The following WWOX variants were observed in gnomAD, a reference collection of about 807,000 sequenced individuals.
The protein encoded by WWOX is WW domain containing oxidoreductase.
WWOX carries 69 observed loss-of-function variants against 46.2 expected under a neutral mutation model. The observed-to-expected ratio is 1.49, with a 90% confidence interval of 1.23 to 1.82. The LOEUF is 1.82. Ranked by LOEUF, WWOX falls within the 40% of genes most tolerant of loss-of-function variation. The probability of loss-of-function intolerance (pLI) is 0.00; values close to 1 mark genes in which losing one functional copy is unlikely to be tolerated. For missense variants in WWOX, 919 were observed against 542.6 expected, an observed-to-expected ratio of 1.69 and a Z score of -6.89; for synonymous variants, 359 against 202.6, an observed-to-expected ratio of 1.77 and a Z score of -6.56.
chr16:79,174,673 A>T (rs573266969), intron 8 of WWOX, among the ~76,000 whole-genome samples: 133 of 152,300 alleles, frequency 8.7e-4, no homozygotes, highest in African/African-American at 2.9e-3. Context: ...AGAGGGACTG[A>T]TGTCCAGTGA....
In WWOX at chr16:78,158,795, A is replaced by G. The variant is rs1057410471; in HGVS notation, c.410-5388A>G. 2.6e-5 allele frequency among the ~76,000 whole-genome samples: 4 copies of G among 152,302 alleles called. No homozygotes were observed. In the South Asian group the frequency reaches 8.3e-4, roughly 32 times the overall value. On this transcript the variant is annotated intron_variant, in intron 4 of 8. Transcript: ENST00000566780. ...TGTATAGAACTTGATAAGTTTGGAG[A>G]TAAGTATATACCTGTGAAACCATTA... is the stretch of plus-strand genomic sequence containing the variant.
chr16:79,053,299 C>T (rs2048203896), intron 8 of WWOX, among the ~76,000 whole-genome samples: 1 of 152,058 alleles, frequency 6.6e-6, no homozygotes, highest in African/African-American at 2.4e-5. Flanking sequence ...TAATTTCCAC[C>T]AATTAGAACC....
chr16:78,598,985 G>A (rs1369014060), intron 8 of WWOX, among the ~76,000 whole-genome samples: 1 of 152,186 alleles, frequency 6.6e-6, no homozygotes, highest in Admixed American at 6.5e-5. Flanking sequence ...ACCAGTAAGT[G>A]GCAGGGTCGG....
intron 8 of WWOX, among the ~76,000 whole-genome samples, chr16:78,659,712 A>G (rs2047169077): frequency 6.6e-6 from 1 of 152,152 alleles, no homozygotes; most frequent in African/African-American, 2.4e-5. Flanking sequence ...CCAGTGCCCA[A>G]AAGTCTTAGA....
At chr16:78,658,441 C>T (rs148388484) in intron 8 of WWOX, among the ~76,000 whole-genome samples, 53 of 152,252 alleles carry the variant, frequency 3.5e-4, no homozygotes, top group African/African-American at 1.3e-3. Flanking sequence ...TCCTTGAAAA[C>T]GTGCCATAGA....
At chr16:78,214,245 G>T (rs768898788) in intron 5 of WWOX, among the ~76,000 whole-genome samples, 15 of 152,176 alleles carry the variant, frequency 9.9e-5, no homozygotes, top group African/African-American at 2.9e-4. Flanking sequence ...TTCAAGATCA[G>T]ACCGAGGGGT....
intron 6 of WWOX, among the ~76,000 whole-genome samples, chr16:78,402,169 C>G (rs941149798): frequency 1.3e-5 from 2 of 152,214 alleles, no homozygotes; most frequent in Non-Finnish European, 2.9e-5. Flanking sequence ...AGGCAATCAG[C>G]AGTCTGCTTT....
Position 78,779,960 on chromosome 16 carries a change from C to T in WWOX, c.1056+347208C>T, listed in dbSNP as rs146473282. On this transcript the variant is annotated intron_variant, in intron 8 of 8. Transcript: ENST00000566780. ...AATCAATAATGAAAAGCTACCAGAC[C>T]AAGCCCTTTCTTGTTTAGTGTTGTG... Among the ~76,000 whole-genome samples, 836 of 152,302 alleles carry T rather than the reference C, an allele frequency of 5.5e-3. 4 individuals are homozygous for T. The highest frequency in any genetic ancestry group is 0.019 in the African/African-American group (803 of 41,572).
intron 8 of WWOX, among the ~76,000 whole-genome samples, chr16:79,030,829 T>G (rs980204923): frequency 2.6e-5 from 4 of 152,130 alleles, no homozygotes; most frequent in African/African-American, 9.7e-5. Context: ...ATTCCTGTAA[T>G]TCTAGCACTT....
chr16:78,820,021 A>G (rs1411575345), intron 8 of WWOX, among the ~76,000 whole-genome samples: 1 of 152,216 alleles, frequency 6.6e-6, no homozygotes, highest in Non-Finnish European at 1.5e-5. Flanking sequence ...ATATGGAGGA[A>G]AATAAAATAA....
chr16:78,482,749 G>C lies in WWOX; in HGVS notation c.1056+49997G>C, dbSNP rs558378405. The stretch of plus-strand genomic sequence containing the variant: ...CAGAGCACTTATTGGCGCTAAGACT[G>C]TTTCTCAGGACCTTGTTGTACGAGA... On this transcript the variant is annotated intron_variant, in intron 8 of 8. Transcript: ENST00000566780. Among the ~76,000 whole-genome samples, 4 of 152,064 alleles carry C rather than the reference G, an allele frequency of 2.6e-5. No individual in the cohort carries two copies. In the East Asian group the frequency reaches 7.8e-4, roughly 29 times the overall value.
intron 8 of WWOX, among the ~76,000 whole-genome samples, chr16:78,961,012 A>T (rs1597209477): frequency 6.6e-6 from 1 of 152,266 alleles, no homozygotes; most frequent in East Asian, 1.9e-4. Context: ...ACTTGTGATG[A>T]GATGTCTGTA....
rs539667005 is a variant in WWOX, at chr16:78,170,666, A to G, written c.516+6377A>G. On this transcript the variant is annotated intron_variant, in intron 5 of 8. Coordinates refer to ENST00000566780, the MANE Select transcript of WWOX (RefSeq NM_016373.4). ...ATTTTCCAGTGTAGCTCATATTAGC[A>G]CTCAACTGTCATTTGAAAAGCCATC... Among the ~76,000 whole-genome samples, 4 of 152,260 alleles carry G rather than the reference A, an allele frequency of 2.6e-5. No individual in the cohort carries two copies. In the South Asian group the frequency reaches 8.3e-4, roughly 32 times the overall value.
chr16:78,501,383 G>A (rs1329317545), intron 8 of WWOX, among the ~76,000 whole-genome samples: 1 of 151,992 alleles, frequency 6.6e-6, no homozygotes, highest in East Asian at 1.9e-4. Flanking sequence ...GGCTGCAGCA[G>A]TGTCTAGGTA....
intron 8 of WWOX, among the ~76,000 whole-genome samples, chr16:79,040,466 A>G (rs1421807445): frequency 6.6e-6 from 1 of 151,886 alleles, no homozygotes; most frequent in Non-Finnish European, 1.5e-5. Flanking sequence ...GGTAGAGACA[A>G]GCCTTCACTA....
At chr16:78,973,337 C>T (rs1471094768) in intron 8 of WWOX, among the ~76,000 whole-genome samples, 4 of 152,064 alleles carry the variant, frequency 2.6e-5, no homozygotes, top group African/African-American at 4.8e-5. Flanking sequence ...GCCGGGTAGA[C>T]TGGGGAAGGT....
At chr16:78,943,453 G>A (rs575606512) in intron 8 of WWOX, among the ~76,000 whole-genome samples, 2 of 151,404 alleles carry the variant, frequency 1.3e-5, no homozygotes, top group African/African-American at 4.9e-5. Flanking sequence ...GGGAGAAACA[G>A]GGAGGACCCA....
At chr16:78,946,372 G>A (rs2045948541) in intron 8 of WWOX, among the ~76,000 whole-genome samples, 1 of 152,036 alleles carries the variant, frequency 6.6e-6, no homozygotes, top group East Asian at 1.9e-4. Context: ...TGTATTTTTA[G>A]TAGAGACGGG....
At chr16:79,000,174 T>C (rs2047066016) in intron 8 of WWOX, among the ~76,000 whole-genome samples, 1 of 152,172 alleles carries the variant, frequency 6.6e-6, no homozygotes, top group Non-Finnish European at 1.5e-5. Flanking sequence ...ACCCCTTCAC[T>C]GGGCTCCGAA....
Sources: allele counts gnomAD v4.1 joint callset (sites outside exome capture counted in the v4.1 genomes callset), GRCh38; gene constraint gnomAD v4.1.1; transcripts MANE v1.5; gene names NCBI Gene and HGNC (gene_info 2026-07-23, HGNC 2026-07-21).